Variants in GRXCR1 observed in about 807,000 individuals in gnomAD.
GRXCR1 encodes glutaredoxin domain-containing cysteine-rich protein 1.
A neutral mutation model predicts 27.3 loss-of-function variants in GRXCR1; 27 were observed. The ratio of observed to expected loss-of-function variants is 0.99; its 90% CI spans 0.73 to 1.37. The LOEUF is 1.37. GRXCR1 is among the 40% of genes most tolerant of loss of function. GRXCR1 has a pLI of 0.00. For synonymous variants in GRXCR1, 122 were observed against 131.1 expected (o/e 0.93, Z 0.47); for missense variants, 379 against 354.4 (o/e 1.07, Z -0.56).
chr4:43,029,077 G>C (rs901952711), intron 3 of GRXCR1, among the ~76,000 whole-genome samples: 1 of 152,092 alleles, frequency 6.6e-6, no homozygotes, highest in Non-Finnish European at 1.5e-5. Context: ...TTGATGTTTT[G>C]TAAGTATCAA....
At chr4:42,912,822 G>A (rs982438925) in intron 1 of GRXCR1, among the ~76,000 whole-genome samples, 4 of 152,094 alleles carry the variant, frequency 2.6e-5, no homozygotes, top group South Asian at 2.1e-4. Flanking sequence ...ATTGCACCTC[G>A]AATTGTAATA....
At chr4:42,976,907 T>C (rs1174111112) in intron 2 of GRXCR1, among the ~76,000 whole-genome samples, 1 of 151,986 alleles carries the variant, frequency 6.6e-6, no homozygotes, top group Non-Finnish European at 1.5e-5. Context: ...GCAATAGATC[T>C]CTTGTACTTA....
At chr4:42,962,194 C>T (rs890203817) in intron 1 of GRXCR1, among the ~76,000 whole-genome samples, 2 of 151,884 alleles carry the variant, frequency 1.3e-5, no homozygotes, top group African/African-American at 4.8e-5. Context: ...TGTTGCTTGC[C>T]TCCCCTCCAG....
intron 2 of GRXCR1, among the ~76,000 whole-genome samples, chr4:43,013,459 A>G (rs757983525): frequency 1.3e-5 from 2 of 152,154 alleles, no homozygotes; most frequent in African/African-American, 4.8e-5. Context: ...AGATGGCAAC[A>G]ATAGACAACT....
chr4:42,976,285 C>A (rs1429369222), intron 2 of GRXCR1, among the ~76,000 whole-genome samples: 1 of 151,918 alleles, frequency 6.6e-6, no homozygotes, highest in African/African-American at 2.4e-5. Flanking sequence ...GCTTGAGGAG[C>A]CCATTAACCT....
At chr4:42,931,931 G>C (rs2109756897) in intron 1 of GRXCR1, among the ~76,000 whole-genome samples, 1 of 152,058 alleles carries the variant, frequency 6.6e-6, no homozygotes, top group East Asian at 1.9e-4. Context: ...GGAAGAGCAA[G>C]GGACGTCTTA....
At chr4:42,946,281 A>AG (rs11429142) in intron 1 of GRXCR1, among the ~76,000 whole-genome samples, 41,572 of 152,014 alleles carry the variant, frequency 0.27, 6,267 homozygotes, top group African/African-American at 0.4. Flanking sequence ...TGCTTCCTTA[A>AG]GTGACAATTA....
intron 1 of GRXCR1, among the ~76,000 whole-genome samples, chr4:42,940,168 G>A (rs1454649853): frequency 2.6e-5 from 4 of 151,906 alleles, no homozygotes; most frequent in Non-Finnish European, 1.5e-5. Context: ...GTAAAACCCT[G>A]GAATTAAAGT....
At chr4:42,987,229 T>TTATATATA (rs1349228105) in intron 2 of GRXCR1, among the ~76,000 whole-genome samples, 4 of 92,234 alleles carry the variant, frequency 4.3e-5, no homozygotes, top group Non-Finnish European at 6.5e-5. Context: ...ATATTATATA[T>TTATATATA]TATATATATA....
chr4:42,914,936 G>T (rs1746851225), intron 1 of GRXCR1, among the ~76,000 whole-genome samples: 1 of 152,032 alleles, frequency 6.6e-6, no homozygotes. Flanking sequence ...TTTCTCTCCT[G>T]TCACCCTCTA....
intron 2 of GRXCR1, among the ~76,000 whole-genome samples, chr4:43,005,716 T>C (rs1712535403): frequency 6.6e-6 from 1 of 152,060 alleles, no homozygotes; most frequent in East Asian, 1.9e-4. Flanking sequence ...CAGATGTGGG[T>C]GAAGGGCAGG....
intron 3 of GRXCR1, among the ~76,000 whole-genome samples, chr4:43,022,284 A>G (rs1179271021): frequency 6.6e-6 from 1 of 152,182 alleles, no homozygotes; most frequent in Non-Finnish European, 1.5e-5. Flanking sequence ...TACAGGATGA[A>G]TATCCTTAAT....
chr4:42,991,448 TGCTC>T (rs966931351), intron 2 of GRXCR1, among the ~76,000 whole-genome samples: 5 of 149,900 alleles, frequency 3.3e-5, no homozygotes, highest in African/African-American at 1.2e-4. Context: ...ATATACCTCT[TGCTC>T]TCTCTCTACA....
At chr4:42,993,855 T>G (rs1026749800) in intron 2 of GRXCR1, among the ~76,000 whole-genome samples, 3 of 152,126 alleles carry the variant, frequency 2.0e-5, no homozygotes, top group Non-Finnish European at 4.4e-5. Flanking sequence ...TATCAGCAAT[T>G]GTGCTGGATG....
At chr4:42,966,461 C>A (rs953770454) in intron 2 of GRXCR1, among the ~76,000 whole-genome samples, 2 of 152,046 alleles carry the variant, frequency 1.3e-5, no homozygotes, top group Admixed American at 1.3e-4. Context: ...TAAAGTACTG[C>A]ATTATTCTAT....
At chr4:42,905,897 A>G (rs16855086) in intron 1 of GRXCR1, among the ~76,000 whole-genome samples, 30,846 of 152,134 alleles carry the variant, frequency 0.2, 3,177 homozygotes, top group South Asian at 0.31. Flanking sequence ...TGATGAACAA[A>G]CAAGCAACAG....
At chr4:42,949,152 GAGACCCTCCTGGCC>G (rs1560661098) in intron 1 of GRXCR1, among the ~76,000 whole-genome samples, 1 of 151,604 alleles carries the variant, frequency 6.6e-6, no homozygotes, top group Non-Finnish European at 1.5e-5. Flanking sequence ...TCAGGAGATC[GAGACCCTCCTGGCC>G]AATATGTTGA....
At chr4:42,925,034 G>A (rs1747126403) in intron 1 of GRXCR1, among the ~76,000 whole-genome samples, 2 of 151,448 alleles carry the variant, frequency 1.3e-5, no homozygotes, top group South Asian at 4.2e-4. Flanking sequence ...ATATGCCAAT[G>A]TATGCATTGG....
chr4:42,997,164 T>A (rs1424822119), intron 2 of GRXCR1, among the ~76,000 whole-genome samples: 1 of 152,210 alleles, frequency 6.6e-6, no homozygotes, highest in Non-Finnish European at 1.5e-5. Context: ...TTATTACCCA[T>A]AGGTAAGATA....
Sources: gnomAD v4.1 joint callset for allele counts (sites outside exome capture counted in the v4.1 genomes callset) on GRCh38, gnomAD v4.1.1 for gene constraint, MANE v1.5 for transcripts, NCBI Gene and HGNC (gene_info 2026-07-23, HGNC 2026-07-21) for gene names.